Variants in ILDR1 observed in about 807,000 individuals in gnomAD.
ILDR1 encodes the protein immunoglobulin like domain containing receptor 1.
In ILDR1, 56 loss-of-function variants were observed where a neutral mutation model predicts 62.4. The observed-to-expected ratio is 0.90, with a 90% CI of 0.72 to 1.12. The LOEUF (loss-of-function observed/expected upper bound fraction) is 1.12, where lower values mean the gene tolerates loss of function less well. Ranked by LOEUF, ILDR1 falls within the 50% of genes most tolerant of loss-of-function variation. The pLI, the probability that ILDR1 is intolerant of heterozygous loss-of-function variation, is 0.00. For synonymous variants in ILDR1, 284 were observed against 277.8 expected, an observed-to-expected ratio of 1.02 and a Z score of -0.22; for missense variants, 736 against 710.6, an observed-to-expected ratio of 1.04 and a Z score of -0.41.
At chr3:122,047,415 G>C in the ILDR1 span, among the ~76,000 whole-genome samples, 5 of 152,254 alleles carry the variant, frequency 3.3e-5, no homozygotes, top group African/African-American at 9.6e-5. Flanking sequence ...GAGACAGGCA[G>C]GCCTCCTTGA....
the ILDR1 span, among the ~76,000 whole-genome samples, chr3:122,037,751 G>C: frequency 6.6e-6 from 1 of 152,174 alleles, no homozygotes; most frequent in East Asian, 1.9e-4. Context: ...GGAGGGGCCA[G>C]GGGCAGAATG....
intron 1 of ILDR1, among the ~76,000 whole-genome samples, chr3:122,016,115 G>A (rs971943376): frequency 5.3e-5 from 8 of 152,218 alleles, no homozygotes; most frequent in African/African-American, 1.7e-4. Flanking sequence ...ACTCAGTCCC[G>A]CTAACATTCT....
chr3:122,006,644 G>A (rs1341819793), intron 2 of ILDR1, among the ~76,000 whole-genome samples: 1 of 152,232 alleles, frequency 6.6e-6, no homozygotes, highest in Middle Eastern at 3.4e-3. Flanking sequence ...CTAAGGTGGT[G>A]GGGGTGAGGG....
Position 121,993,223 on chromosome 3 carries a change from G to T in ILDR1, c.1526C>A (p.Pro509Gln), listed in dbSNP as rs374884043. The T allele has an allele frequency of 6.2e-7, 1 of 1,613,882 alleles. No individual in the cohort carries two copies. Among genetic ancestry groups the T allele is most frequent in the Non-Finnish European group, 8.5e-7 (1 of 1,179,966 alleles). The part of the protein sequence containing the change: ...SHSPHWPEEK[P>Q]PSYRSLDITP... The stretch of plus-strand genomic sequence containing the variant: ...GATATCAAGTGAGCGGTAGCTAGGC[G>T]GCTTCTCCTCGGGCCAGTGTGGGGA... Residue 509 changes from proline (P) to glutamine (Q), a missense_variant, in exon 7 of 8, where the codon CCG (proline) becomes CAG (glutamine). Transcript: ENST00000344209.
At chr3:122,043,011 A>G in the ILDR1 span, among the ~76,000 whole-genome samples, 2 of 147,178 alleles carry the variant, frequency 1.4e-5, no homozygotes, top group African/African-American at 2.6e-5. Context: ...CCTGAATGGT[A>G]ATGCCTAGGT....
intron 1 of ILDR1, 158 bp from the exon 2 acceptor site, chr3:122,007,319 TGGGTGGGGTG>T (rs537621967): frequency 6.5e-7 from 1 of 1,526,846 alleles, no homozygotes; most frequent in East Asian, 2.5e-5. Context: ...GGGCAGGCTA[TGGGTGGGGTG>T]GGGTGAGAAC....
At chr3:122,002,525 C>T (rs535967098) in intron 3 of ILDR1, among the ~76,000 whole-genome samples, 1 of 152,140 alleles carries the variant, frequency 6.6e-6, no homozygotes, top group South Asian at 2.1e-4. Flanking sequence ...AAATGTAACT[C>T]AAGAAGAGTT....
the ILDR1 span, among the ~76,000 whole-genome samples, chr3:122,052,066 G>A: frequency 6.6e-6 from 1 of 152,054 alleles, no homozygotes; most frequent in South Asian, 2.1e-4. Context: ...GCCTTAAGTG[G>A]GGCTACATGG....
chr3:122,029,857 A>G, the ILDR1 span, among the ~76,000 whole-genome samples: 1 of 152,214 alleles, frequency 6.6e-6, no homozygotes, highest in Non-Finnish European at 1.5e-5. Flanking sequence ...GTAACCTTAC[A>G]TAAATCACTT....
At chr3:122,048,523 G>A in the ILDR1 span, among the ~76,000 whole-genome samples, 5 of 152,192 alleles carry the variant, frequency 3.3e-5, no homozygotes, top group African/African-American at 1.2e-4. Context: ...TTAAATGTTT[G>A]ATAGAATTCA....
chr3:122,039,025 G>A, the ILDR1 span, among the ~76,000 whole-genome samples: 694 of 150,814 alleles, frequency 4.6e-3, 7 homozygotes, highest in African/African-American at 0.015. Context: ...CTTGAAAATA[G>A]GTCAACAGAA....
chr3:122,029,614 T>C, the ILDR1 span, among the ~76,000 whole-genome samples: 1 of 151,478 alleles, frequency 6.6e-6, no homozygotes, highest in South Asian at 2.1e-4. Flanking sequence ...AGCGGGTGCT[T>C]TAGCTGAATC....
At chr3:121,996,535 T>A (rs540234285) in intron 5 of ILDR1, among the ~76,000 whole-genome samples, 1 of 152,178 alleles carries the variant, frequency 6.6e-6, no homozygotes, top group Non-Finnish European at 1.5e-5. Context: ...GGGGTATCTG[T>A]TGCTCACCTA....
chr3:122,054,799 G>A, the ILDR1 span, among the ~76,000 whole-genome samples: 1 of 151,970 alleles, frequency 6.6e-6, no homozygotes, highest in African/African-American at 2.4e-5. Context: ...TTATAATGCT[G>A]CCTTTTTTTC....
the ILDR1 span, among the ~76,000 whole-genome samples, chr3:122,054,480 T>A: frequency 6.6e-6 from 1 of 152,236 alleles, no homozygotes; most frequent in East Asian, 1.9e-4. Context: ...AGGTAGATAA[T>A]GCTAATTCAA....
the ILDR1 span, among the ~76,000 whole-genome samples, chr3:122,047,371 T>C: frequency 6.6e-6 from 1 of 152,254 alleles, no homozygotes; most frequent in African/African-American, 2.4e-5. Context: ...GCTGTCTTTT[T>C]GTCTGTGCCC....
At chr3:121,992,144 T>A (rs2071358003) in intron 7 of ILDR1, among the ~76,000 whole-genome samples, 1 of 150,716 alleles carries the variant, frequency 6.6e-6, no homozygotes, top group African/African-American at 2.4e-5. Flanking sequence ...TAATTATAAA[T>A]TTTTTTTTTG....
At chr3:122,042,766 G>C in the ILDR1 span, among the ~76,000 whole-genome samples, 9 of 151,898 alleles carry the variant, frequency 5.9e-5, no homozygotes, top group South Asian at 2.1e-4. Context: ...GGGGTTGTTT[G>C]TTTTTTTCTT....
At chr3:122,000,891 G>A (rs142583850) in intron 5 of ILDR1, among the ~76,000 whole-genome samples, 272 of 152,290 alleles carry the variant, frequency 1.8e-3, no homozygotes, top group Middle Eastern at 0.017. Context: ...AGTATCGAGT[G>A]GCATGTGAGA....
Sources: allele counts gnomAD v4.1 joint callset (sites outside exome capture counted in the v4.1 genomes callset), GRCh38; gene constraint gnomAD v4.1.1; transcripts MANE v1.5; gene names NCBI Gene and HGNC (gene_info 2026-07-23, HGNC 2026-07-21).